The following CDH13 variants were observed in gnomAD, a reference collection of about 807,000 sequenced individuals.
CDH13 encodes the protein cadherin-13.
Under a neutral mutation model 63.8 loss-of-function variants are expected in CDH13, and 24 were observed. The observed-to-expected ratio is 0.38, with a 90% CI of 0.27 to 0.53. The LOEUF is 0.53. Ranked by LOEUF, CDH13 falls within the 20% of genes least tolerant of loss-of-function variation. The probability of loss-of-function intolerance (pLI) is 0.85; values close to 1 mark genes in which losing one functional copy is unlikely to be tolerated. For missense variants in CDH13, 1,049 were observed against 903.1 expected, an observed-to-expected ratio of 1.16 and a Z score of -2.07; for synonymous variants, 503 against 355.3, an observed-to-expected ratio of 1.42 and a Z score of -4.67.
intron 10 of CDH13, among the ~76,000 whole-genome samples, chr16:83,700,654 T>C (rs1427517657): frequency 6.6e-6 from 1 of 152,210 alleles, no homozygotes; most frequent in Non-Finnish European, 1.5e-5. Flanking sequence ...TTTTACACAT[T>C]GAAGTACTTT....
At chr16:82,854,665 A>G (rs2039619328) in intron 1 of CDH13, among the ~76,000 whole-genome samples, 1 of 152,200 alleles carries the variant, frequency 6.6e-6, no homozygotes, top group African/African-American at 2.4e-5. Context: ...ATTCGTAATC[A>G]TCTTTGAGAT....
At chr16:82,794,627 C>T (rs1269142996) in intron 1 of CDH13, among the ~76,000 whole-genome samples, 1 of 152,098 alleles carries the variant, frequency 6.6e-6, no homozygotes, top group Non-Finnish European at 1.5e-5. Flanking sequence ...CTCATTTTCT[C>T]AAACAGAAGC....
chr16:82,689,205 T>A (rs1325416918), intron 1 of CDH13, among the ~76,000 whole-genome samples: 1 of 151,758 alleles, frequency 6.6e-6, no homozygotes, highest in Non-Finnish European at 1.5e-5. Context: ...CCTGTCAAAC[T>A]GTGCAGTTGA....
At chr16:83,334,026 C>G (rs1303228326) in intron 5 of CDH13, among the ~76,000 whole-genome samples, 1 of 152,076 alleles carries the variant, frequency 6.6e-6, no homozygotes, top group East Asian at 1.9e-4. Flanking sequence ...CTCCTGGAAG[C>G]TCTTGGGGAA....
At chr16:82,884,223 C>T (rs1332026908) in intron 2 of CDH13, 2 of 455,584 alleles carry the variant, frequency 4.4e-6, no homozygotes, top group Non-Finnish European at 8.8e-6. Context: ...AAGTAGAGGC[C>T]ACTTTTAAAA....
At chr16:83,256,242 A>C (rs1906242931) in intron 5 of CDH13, among the ~76,000 whole-genome samples, 1 of 152,192 alleles carries the variant, frequency 6.6e-6, no homozygotes, top group Non-Finnish European at 1.5e-5. Context: ...CATGTTGCCC[A>C]GGCTGGTCTG....
chr16:82,830,448 T>TC (rs2038484494), intron 1 of CDH13, among the ~76,000 whole-genome samples: 1 of 152,204 alleles, frequency 6.6e-6, no homozygotes, highest in East Asian at 1.9e-4. Context: ...ATGAAATGGG[T>TC]ATAGTGCCTG....
chr16:82,925,210 C>A (rs1021278458), intron 2 of CDH13, among the ~76,000 whole-genome samples: 3 of 152,148 alleles, frequency 2.0e-5, no homozygotes, highest in Non-Finnish European at 4.4e-5. Flanking sequence ...AGCTCCTGGC[C>A]TCCTTATCAA....
chr16:82,711,853 G>T (rs1303476262), intron 1 of CDH13, among the ~76,000 whole-genome samples: 1 of 152,142 alleles, frequency 6.6e-6, no homozygotes, highest in Non-Finnish European at 1.5e-5. Context: ...TCTTCACAAC[G>T]GTGCTCTGAG....
At chr16:82,929,679 AAAAAG>A (rs1332343125) in intron 2 of CDH13, among the ~76,000 whole-genome samples, 5 of 140,118 alleles carry the variant, frequency 3.6e-5, no homozygotes, top group African/African-American at 1.3e-4. Flanking sequence ...AAAAAAAAAA[AAAAAG>A]AAGACAGCCG....
chr16:83,040,461 C>T (rs1311030515), intron 3 of CDH13, among the ~76,000 whole-genome samples: 2 of 152,174 alleles, frequency 1.3e-5, no homozygotes, highest in Non-Finnish European at 2.9e-5. Context: ...CCCAGAGCTT[C>T]TGGCAAATCT....
intron 3 of CDH13, among the ~76,000 whole-genome samples, chr16:83,106,411 T>C (rs8046790): frequency 0.13 from 19,723 of 152,022 alleles, 1,741 homozygotes; most frequent in African/African-American, 0.26. Context: ...CATGGTGGCA[T>C]GTGCCTGTAA....
At chr16:83,676,874 C>T (rs1914997730) in intron 9 of CDH13, among the ~76,000 whole-genome samples, 1 of 152,188 alleles carries the variant, frequency 6.6e-6, no homozygotes. Context: ...AGATTCCATT[C>T]CCACCTCGGT....
intron 7 of CDH13, among the ~76,000 whole-genome samples, chr16:83,574,706 C>T (rs537210312): frequency 2.0e-5 from 3 of 152,264 alleles, no homozygotes; most frequent in East Asian, 1.9e-4. Flanking sequence ...GTGGTAGCTT[C>T]GCGAATCACG....
chr16:83,784,100 C>T (rs565424140), intron 13 of CDH13, among the ~76,000 whole-genome samples: 50 of 152,264 alleles, frequency 3.3e-4, no homozygotes, highest in African/African-American at 1.1e-3. Context: ...CCAATGTTAA[C>T]TTTAGCCGTT....
At chr16:83,105,386 G>A (rs2034715188) in intron 3 of CDH13, among the ~76,000 whole-genome samples, 1 of 152,204 alleles carries the variant, frequency 6.6e-6, no homozygotes, top group African/African-American at 2.4e-5. Flanking sequence ...TGAAGTCGAG[G>A]CTGAGCGCAG....
At chr16:83,661,824 C>T (rs1322738070) in intron 8 of CDH13, among the ~76,000 whole-genome samples, 1 of 152,164 alleles carries the variant, frequency 6.6e-6, no homozygotes, top group Non-Finnish European at 1.5e-5. Context: ...GGAAATGAAT[C>T]AGAGAAGTGT....
chr16:83,672,894 G>C (rs1020025437), intron 9 of CDH13, among the ~76,000 whole-genome samples: 1 of 152,178 alleles, frequency 6.6e-6, no homozygotes, highest in Non-Finnish European at 1.5e-5. Context: ...ACTAGCCACG[G>C]AGGACAGCCA....
chr16:83,392,497 G>T (rs901282327), intron 6 of CDH13, among the ~76,000 whole-genome samples: 5 of 152,132 alleles, frequency 3.3e-5, no homozygotes, highest in African/African-American at 1.2e-4. Flanking sequence ...TCATCGTAAT[G>T]ACTCCCCTGA....
Sources: allele counts gnomAD v4.1 joint callset (sites outside exome capture counted in the v4.1 genomes callset), GRCh38; gene constraint gnomAD v4.1.1; transcripts MANE v1.5; gene names NCBI Gene and HGNC (gene_info 2026-07-23, HGNC 2026-07-21).